Variants in MED12L observed in about 807,000 individuals in gnomAD.
MED12L encodes mediator complex subunit 12L, also known as mediator of RNA polymerase II transcription subunit 12-like protein.
Under a neutral mutation model 281.3 loss-of-function variants are expected in MED12L, and 60 were observed. That is an observed-to-expected ratio of 0.21 (90% CI 0.17 to 0.26). The LOEUF is 0.26. MED12L is among the 10% of genes least tolerant of loss of function. The pLI is 1.00. For missense variants in MED12L, 2,146 were observed against 2,680.9 expected, an observed-to-expected ratio of 0.80 and a Z score of 4.41; for synonymous variants, 974 against 987.2, an observed-to-expected ratio of 0.99 and a Z score of 0.25.
intron 17 of MED12L, among the ~76,000 whole-genome samples, chr3:151,352,655 T>C (rs1753380551): frequency 6.6e-6 from 1 of 151,970 alleles, no homozygotes; most frequent in Non-Finnish European, 1.5e-5. Flanking sequence ...CATTTAGGAG[T>C]GTTGTCAGAT....
In MED12L at chr3:151,253,328, C is replaced by T. The variant is rs1342420751; in HGVS notation, c.2250+59662C>T. 4.6e-5 allele frequency among the ~76,000 whole-genome samples: 7 copies of T among 152,330 alleles called. No individual in the cohort carries two copies. In the East Asian group the frequency reaches 9.6e-4, roughly 21 times the overall value. ...GGAAACCATTGACTGTCCCAGGGGC[C>T]TTCCGCTCTTACCCCTCACTCCAGT... is the stretch of plus-strand genomic sequence containing the variant. On this transcript the variant is annotated intron_variant, in intron 16 of 44. Coordinates refer to ENST00000687756, the MANE Select transcript of MED12L (RefSeq NM_001393769.1).
At chr3:151,347,009 T>A (rs971331233) in intron 16 of MED12L, among the ~76,000 whole-genome samples, 1 of 152,208 alleles carries the variant, frequency 6.6e-6, no homozygotes, top group Non-Finnish European at 1.5e-5. Flanking sequence ...TAATTTTAAC[T>A]AGTGGATACA....
intron 43 of MED12L, among the ~76,000 whole-genome samples, chr3:151,423,073 C>G: frequency 6.7e-6 from 1 of 149,070 alleles, no homozygotes. Context: ...AGGCTGGAGT[C>G]CAATGGTATG....
chr3:151,403,772 A>G (rs1715979374), intron 39 of MED12L, among the ~76,000 whole-genome samples: 1 of 152,236 alleles, frequency 6.6e-6, no homozygotes, highest in African/African-American at 2.4e-5. Context: ...GGGTAACATT[A>G]TCTATACATT....
In MED12L at chr3:151,181,999, G is replaced by C. The variant is rs150105228; in HGVS notation, c.1495-3331G>C. 1.6e-3 allele frequency among the ~76,000 whole-genome samples: 248 copies of C among 152,186 alleles called. 1 individual carries two copies. The highest frequency in any genetic ancestry group is 5.4e-3 in the African/African-American group (225 of 41,514). ...GAATAAAGACATGAAAATGTAAAAA[G>C]AACATTTTAATTTAGCTAAATTATT... On this transcript the variant is annotated intron_variant, in intron 11 of 44. Transcript: ENST00000687756.
At chr3:151,128,369 A>G (rs1714851873) in intron 5 of MED12L, among the ~76,000 whole-genome samples, 1 of 152,082 alleles carries the variant, frequency 6.6e-6, no homozygotes, top group Non-Finnish European at 1.5e-5. Context: ...TCCAAACCTA[A>G]ATGGTATATT....
At chr3:151,151,882 T>C (rs1056247728) in intron 5 of MED12L, among the ~76,000 whole-genome samples, 1 of 152,124 alleles carries the variant, frequency 6.6e-6, no homozygotes, top group African/African-American at 2.4e-5. Context: ...AAAAATGCAG[T>C]ATTTACAAAG....
At chr3:151,268,301 G>A (rs1740227714) in intron 16 of MED12L, among the ~76,000 whole-genome samples, 1 of 152,068 alleles carries the variant, frequency 6.6e-6, no homozygotes, top group African/African-American at 2.4e-5. Flanking sequence ...GTGAATTACT[G>A]TTTTATGGCC....
intron 5 of MED12L, among the ~76,000 whole-genome samples, chr3:151,139,259 T>C (rs908853805): frequency 6.6e-6 from 1 of 152,194 alleles, no homozygotes; most frequent in Non-Finnish European, 1.5e-5. Flanking sequence ...TCATTGTGTA[T>C]ATTTTCTGTT....
At chr3:151,386,494 A>G (rs1437466885) in intron 36 of MED12L, among the ~76,000 whole-genome samples, 1 of 151,416 alleles carries the variant, frequency 6.6e-6, no homozygotes, top group Non-Finnish European at 1.5e-5. Flanking sequence ...GGTTCAAACG[A>G]TTCTCCTGTC....
intron 16 of MED12L, among the ~76,000 whole-genome samples, chr3:151,271,442 G>C (rs919744742): frequency 7.2e-5 from 11 of 152,138 alleles, no homozygotes; most frequent in African/African-American, 2.7e-4. Flanking sequence ...TGAATAACGG[G>C]TCACTTCTTA....
At chr3:151,369,012 C>T (rs568338881) in intron 25 of MED12L, among the ~76,000 whole-genome samples, 3 of 152,138 alleles carry the variant, frequency 2.0e-5, no homozygotes, top group Admixed American at 6.5e-5. Context: ...CCACCTGCCT[C>T]GGCCTCCCAA....
At chr3:151,092,418 G>A (rs1336677588) in intron 2 of MED12L, among the ~76,000 whole-genome samples, 1 of 152,246 alleles carries the variant, frequency 6.6e-6, no homozygotes, top group East Asian at 1.9e-4. Flanking sequence ...TCACATCTGT[G>A]AACGGCCTAG....
At chr3:151,270,188 C>T (rs987468013) in intron 16 of MED12L, 1 of 105,632 alleles carries the variant, frequency 9.5e-6, no homozygotes, top group Non-Finnish European at 1.9e-5. Context: ...TTCCTGGGAG[C>T]AAGCTGTCGT....
chr3:151,128,465 G>A (rs573702764), intron 5 of MED12L, among the ~76,000 whole-genome samples: 7 of 152,176 alleles, frequency 4.6e-5, no homozygotes, highest in South Asian at 4.1e-4. Flanking sequence ...TGAAGTCATC[G>A]CTGATCTGCC....
intron 16 of MED12L, among the ~76,000 whole-genome samples, chr3:151,334,383 G>A (rs936571062): frequency 6.6e-6 from 1 of 150,772 alleles, no homozygotes; most frequent in African/African-American, 2.4e-5. Context: ...GATGTCTTCA[G>A]TGCAAAATGA....
In MED12L at chr3:151,377,126, G is replaced by A; in HGVS notation, c.4264G>A (p.Gly1422Arg). The A allele has an allele frequency of 6.2e-7, 1 of 1,613,948 alleles. No homozygotes were observed. The highest frequency in any genetic ancestry group is 8.5e-7 in the Non-Finnish European group (1 of 1,179,936). The change falls in exon 30 of 45, where the codon GGA (glycine) becomes AGA (arginine). Residue 1422 changes from glycine (G) to arginine (R), a missense_variant. Transcript: ENST00000687756. ...GMSLFNPNSI[G>R]SADTSSTRQN... ...GAGCCTCTTCAACCCAAACAGTATT[G>A]GAAGTGCTGATACAAGTAGCACGAG...
At chr3:151,331,518 T>A (rs1750353639) in intron 16 of MED12L, among the ~76,000 whole-genome samples, 1 of 152,236 alleles carries the variant, frequency 6.6e-6, no homozygotes, top group African/African-American at 2.4e-5. Context: ...GTGCTTAGAA[T>A]AATGTCTGTC....
rs1241525170 is a variant in MED12L at position 151,409,586 on chromosome 3, A to T, written c.5910+254A>T. On this transcript the variant is annotated intron_variant, in intron 40 of 44. Coordinates refer to ENST00000687756, the MANE Select transcript of MED12L (RefSeq NM_001393769.1). ...TTCAAACCTTTTATTAGTGATGATTATAGATATTGAAATACTTAACAATCC... is the reference window on the plus strand; with the variant it reads ...TTCAAACCTTTTATTAGTGATGATTTTAGATATTGAAATACTTAACAATCC... Among the ~76,000 whole-genome samples, 3 of 152,218 alleles carry T rather than the reference A, an allele frequency of 2.0e-5. No individual in the cohort carries two copies. In the East Asian group the frequency reaches 5.8e-4, roughly 29 times the overall value.
Sources: allele counts gnomAD v4.1 joint callset (sites outside exome capture counted in the v4.1 genomes callset), GRCh38; gene constraint gnomAD v4.1.1; transcripts MANE v1.5; gene names NCBI Gene and HGNC (gene_info 2026-07-23, HGNC 2026-07-21).